Variants in ABCC2 observed in about 807,000 individuals in gnomAD.
ABCC2 encodes ATP binding cassette subfamily C member 2.
In ABCC2, 157 loss-of-function variants were observed where a neutral mutation model predicts 173.4. The observed-to-expected ratio is 0.91, with a 90% CI of 0.80 to 1.03. ABCC2 has a LOEUF of 1.03. ABCC2 is among the 50% of genes least tolerant of loss of function. The pLI is 0.00. For synonymous variants in ABCC2, 657 were observed against 693.5 expected (o/e 0.95, Z 0.83); for missense variants, 1,822 against 1,852.3 (o/e 0.98, Z 0.30).
chr10:99,814,144 CACA>C (rs1564683180), intron 16 of ABCC2, among the ~76,000 whole-genome samples: 5 of 32,264 alleles, frequency 1.5e-4, no homozygotes, highest in Admixed American at 3.0e-4. Flanking sequence ...TATATATACA[CACA>C]TGTATGTATA....
At chr10:99,845,281 C>T (rs1393384055) in intron 28 of ABCC2, among the ~76,000 whole-genome samples, 1 of 152,174 alleles carries the variant, frequency 6.6e-6, no homozygotes. Flanking sequence ...GATCTGCCTG[C>T]CTTGGCCTCC....
intron 15 of ABCC2, among the ~76,000 whole-genome samples, chr10:99,812,189 A>G (rs932231672): frequency 1.3e-5 from 2 of 152,102 alleles, no homozygotes; most frequent in Non-Finnish European, 2.9e-5. Flanking sequence ...CCACTCCTCT[A>G]TCTTGTTCCT....
chr10:99,848,429 T>C (rs2039047954), intron 30 of ABCC2, among the ~76,000 whole-genome samples: 1 of 152,320 alleles, frequency 6.6e-6, no homozygotes, highest in African/African-American at 2.4e-5. Flanking sequence ...CAAAGCCCAC[T>C]GCTCATGGAC....
Position 99,847,219 on chromosome 10 carries a change from A to G in ABCC2, c.4313+92A>G, listed in dbSNP as rs144036250. The G allele has an allele frequency of 3.1e-3, 4,451 of 1,427,822 alleles. 9 individuals carry two copies. Among genetic ancestry groups the G allele is most frequent in the Non-Finnish European group, 3.7e-3 (3,741 of 1,018,046 alleles). 88.4% of individuals were successfully genotyped at this position (1,427,822 alleles called of 1,614,324 possible). A position where few individuals can be genotyped will look rare whatever the true frequency, so the allele number is the denominator to read the frequency against. Reference sequence around the variant, plus strand: ...CCTCGTGTTAGGTGATGCCTGGCATAGAATTTTCATCCAGGTCTGATTCCT... The same window carrying G: ...CCTCGTGTTAGGTGATGCCTGGCATGGAATTTTCATCCAGGTCTGATTCCT... On this transcript the variant is annotated intron_variant, in intron 30 of 31. Coordinates refer to ENST00000647814, the MANE Select transcript of ABCC2 (RefSeq NM_000392.5).
intron 19 of ABCC2, among the ~76,000 whole-genome samples, chr10:99,829,325 AG>A (rs1272131978): frequency 6.6e-6 from 1 of 152,204 alleles, no homozygotes. Context: ...GGACAGAAAT[AG>A]GGTAAGTTAA....
In ABCC2 at chr10:99,793,655, A is replaced by T. The variant is rs759860316; in HGVS notation, c.438A>T (p.Gln146His). The change falls in exon 4 of 32, where the codon CAA (glutamine) becomes CAT (histidine). Residue 146 changes from glutamine to histidine, a missense_variant. Physicochemically the swap from Gln to His is conservative, Grantham distance 24. Transcript: ENST00000647814. Reference protein sequence around the residue: ...WILSILCGTFQFQTLIRTLLQ... With the variant: ...WILSILCGTFHFQTLIRTLLQ... ...TCTCGATACTCTGTGGCACTTTCCA[A>T]TTTCAGACTCTGATCCGGACACTCT... 1.2e-6 allele frequency: 2 copies of T among 1,614,092 alleles called. No individual in the cohort carries two copies. The highest frequency in any genetic ancestry group is 1.7e-5 in the Admixed American group (1 of 59,994).
intron 31 of ABCC2, 114 bp from the exon 32 acceptor site, chr10:99,851,388 A>G (rs951255498): frequency 3.2e-6 from 4 of 1,250,262 alleles, no homozygotes; most frequent in Non-Finnish European, 4.7e-6. Context: ...ATTGATTTTC[A>G]CTGCTTTGTA....
In ABCC2 at chr10:99,804,248, T is replaced by C. The variant is rs947250555; in HGVS notation, c.1439T>C (p.Leu480Pro). 1 of 1,614,146 alleles carries C rather than the reference T, an allele frequency of 6.2e-7. No individual in the cohort carries two copies. The stretch of plus-strand genomic sequence containing the variant: ...CTTGTAATCCCAATTAATGCGATAC[T>C]GTCCACCAAGAGTAAGACCATTCAG... The part of the protein sequence containing the change: ...MVLVIPINAI[L>P]STKSKTIQVK... Residue 480 changes from leucine (L) to proline (P), a missense_variant, in exon 10 of 32, where the codon CTG (leucine) becomes CCG (proline). By Grantham distance (98) the Leu-to-Pro change is moderately conservative. Coordinates refer to ENST00000647814, the MANE Select transcript of ABCC2 (RefSeq NM_000392.5).
intron 19 of ABCC2, among the ~76,000 whole-genome samples, chr10:99,827,634 T>C (rs1379019808): frequency 6.6e-6 from 1 of 151,982 alleles, no homozygotes; most frequent in Non-Finnish European, 1.5e-5. Context: ...ACCAATTCTT[T>C]TCCAGTCTTT....
intron 8 of ABCC2, among the ~76,000 whole-genome samples, chr10:99,799,671 G>A (rs1438356624): frequency 6.6e-6 from 1 of 152,124 alleles, no homozygotes; most frequent in Non-Finnish European, 1.5e-5. Flanking sequence ...CAAGTGGCGG[G>A]TAGCATACCC....
At chr10:99,818,713 C>A in intron 17 of ABCC2, 77 bp from the exon 18 acceptor site, 1 of 1,557,792 alleles carries the variant, frequency 6.4e-7, no homozygotes, top group Non-Finnish European at 8.8e-7. Flanking sequence ...AAATTTCTTC[C>A]TTTTACCCCT....
chr10:99,851,371 G>A, intron 31 of ABCC2, 131 bp from the exon 32 acceptor site: 2 of 976,224 alleles, frequency 2.0e-6, no homozygotes, highest in Non-Finnish European at 3.3e-6. Context: ...GTGTGTAGCT[G>A]TGGCTCATTG....
intron 28 of ABCC2, 69 bp from the exon 29 acceptor site, chr10:99,845,555 G>T: frequency 6.3e-7 from 1 of 1,582,050 alleles, no homozygotes; most frequent in African/African-American, 1.3e-5. Flanking sequence ...GACTGTGAAT[G>T]CCCAGGCTAA....
chr10:99,798,893 C>T (rs1057086320), intron 7 of ABCC2, among the ~76,000 whole-genome samples: 2 of 152,204 alleles, frequency 1.3e-5, no homozygotes, highest in Non-Finnish European at 2.9e-5. Context: ...AAGGACCTCT[C>T]AGCATCATGC....
At chr10:99,815,319 C>A (rs1388009377) in intron 16 of ABCC2, among the ~76,000 whole-genome samples, 1 of 152,122 alleles carries the variant, frequency 6.6e-6, no homozygotes, top group Admixed American at 6.6e-5. Flanking sequence ...TATATATGTA[C>A]CACATTTTCT....
intron 2 of ABCC2, among the ~76,000 whole-genome samples, chr10:99,791,797 G>A (rs189153419): frequency 2.8e-4 from 42 of 152,330 alleles, no homozygotes; most frequent in African/African-American, 7.0e-4. Context: ...GACTGGACTG[G>A]TAGCTTTCTC....
At chr10:99,832,563 A>G (rs4148397) in intron 23 of ABCC2, among the ~76,000 whole-genome samples, 85,337 of 151,962 alleles carry the variant, frequency 0.56, 24,222 homozygotes, top group East Asian at 0.74. Flanking sequence ...GCAGGGTGAG[A>G]AGGATTATTC....
intron 16 of ABCC2, among the ~76,000 whole-genome samples, chr10:99,815,097 G>A (rs371078258): frequency 9.9e-5 from 15 of 151,166 alleles, no homozygotes; most frequent in African/African-American, 3.4e-4. Context: ...CCCTCCCCTC[G>A]CCCCTCACTC....
Position 99,782,874 on chromosome 10 carries a change from T to C in ABCC2, c.30T>C (p.Phe10=), listed in dbSNP as rs2132936470. The C allele has an allele frequency of 2.5e-6, 4 of 1,614,048 alleles. No individual in the cohort carries two copies. Among genetic ancestry groups the C allele is most frequent in the African/African-American group, 1.3e-5 (1 of 75,048 alleles). The change falls in exon 1 of 32, where the codon TTT becomes TTC. Residue 10 remains phenylalanine (F), a synonymous_variant. Coordinates refer to ENST00000647814, the MANE Select transcript of ABCC2 (RefSeq NM_000392.5). ...TGGAGAAGTTCTGCAACTCTACTTT[T>C]TGGGTGAGAAATTACATTTATCTTC... The part of the protein sequence containing the change: MLEKFCNST[F]WNSSFLDSPE...
Sources: allele counts gnomAD v4.1 joint callset (sites outside exome capture counted in the v4.1 genomes callset), GRCh38; gene constraint gnomAD v4.1.1; transcripts MANE v1.5; gene names NCBI Gene and HGNC (gene_info 2026-07-23, HGNC 2026-07-21).